SAXO1: variants seen among roughly 807,000 people sequenced by gnomAD.
SAXO1 encodes stabilizer of axonemal microtubules 1.
A neutral mutation model predicts 17.5 loss-of-function variants in SAXO1; 21 were observed. That is an observed-to-expected ratio of 1.20 (90% CI 0.85 to 1.72). The LOEUF is 1.72. SAXO1 is among the 40% of genes most tolerant of loss of function. The pLI is 0.00. For synonymous variants in SAXO1, 274 were observed against 216.5 expected, an observed-to-expected ratio of 1.27 and a Z score of -2.33; for missense variants, 843 against 596.0, an observed-to-expected ratio of 1.41 and a Z score of -4.32.
intron 1 of SAXO1, among the ~76,000 whole-genome samples, chr9:18,976,237 A>G (rs1272822798): frequency 1.3e-5 from 2 of 152,146 alleles, no homozygotes; most frequent in Admixed American, 1.3e-4. Context: ...ACTGCATGGG[A>G]CTGGGGTTCA....
chr9:18,954,422 G>A (rs1052961573), intron 1 of SAXO1, among the ~76,000 whole-genome samples: 1 of 151,532 alleles, frequency 6.6e-6, no homozygotes, highest in Non-Finnish European at 1.5e-5. Context: ...CTGCAGCCTC[G>A]ACCTCCTGGG....
In SAXO1 at chr9:18,927,875, A is replaced by C. The variant is rs1309881715; in HGVS notation, c.*177T>G. ...AGGGGAGTTAATTAGCCGGTGATTA[A>C]ATGTCATTTTCCCTGAGTCAAGTGA... On this transcript the variant is annotated 3_prime_UTR_variant, in exon 4 of 4. Transcript: ENST00000380534. 16 of 635,164 alleles carry C rather than the reference A, an allele frequency of 2.5e-5. No homozygotes were observed. In the East Asian group the frequency reaches 4.6e-4, roughly 18 times the overall value. 39.3% of individuals were successfully genotyped at this position (635,164 alleles called of 1,614,324 possible). A position where few individuals can be genotyped will look rare whatever the true frequency, so the allele number is the denominator to read the frequency against.
At chr9:18,959,414 G>C (rs1378194149) in intron 1 of SAXO1, among the ~76,000 whole-genome samples, 2 of 152,162 alleles carry the variant, frequency 1.3e-5, no homozygotes, top group Admixed American at 6.5e-5. Flanking sequence ...AGAAGAATCA[G>C]AGCCAGGTCT....
At chr9:19,003,188 G>A (rs968870261) in intron 1 of SAXO1, among the ~76,000 whole-genome samples, 11 of 152,148 alleles carry the variant, frequency 7.2e-5, no homozygotes, top group African/African-American at 2.7e-4. Flanking sequence ...ACTTACAAGG[G>A]ATGTAAAGGA....
intron 1 of SAXO1, among the ~76,000 whole-genome samples, chr9:18,974,260 G>C (rs1246379541): frequency 6.6e-6 from 1 of 152,248 alleles, no homozygotes; most frequent in East Asian, 1.9e-4. Context: ...CCTCTGGAGT[G>C]TTGGAACGGA....
chr9:18,988,155 G>GC (rs1833669885), intron 1 of SAXO1, among the ~76,000 whole-genome samples: 1 of 152,180 alleles, frequency 6.6e-6, no homozygotes, highest in Non-Finnish European at 1.5e-5. Context: ...ACAGATTTTA[G>GC]TTTGAGTTTT....
intron 1 of SAXO1, among the ~76,000 whole-genome samples, chr9:18,952,854 G>C (rs1832088268): frequency 6.6e-6 from 1 of 152,112 alleles, no homozygotes; most frequent in Non-Finnish European, 1.5e-5. Context: ...ACAAAGCTAT[G>C]TATTTCTATT....
intron 1 of SAXO1, among the ~76,000 whole-genome samples, chr9:18,993,295 G>A (rs569331001): frequency 6.9e-4 from 75 of 108,170 alleles, no homozygotes; most frequent in African/African-American, 2.1e-3. Flanking sequence ...GATAGGCCCC[G>A]ATGTGTGTTG....
chr9:19,047,464 A>G (rs1836247812), intron 1 of SAXO1, among the ~76,000 whole-genome samples: 1 of 152,238 alleles, frequency 6.6e-6, no homozygotes, highest in African/African-American at 2.4e-5. Context: ...ACATCATCAA[A>G]CAATTCAAGA....
chr9:18,981,567 G>C (rs1039018350), intron 1 of SAXO1, among the ~76,000 whole-genome samples: 1 of 152,098 alleles, frequency 6.6e-6, no homozygotes, highest in African/African-American at 2.4e-5. Flanking sequence ...ACTTCACTAA[G>C]CCAGCATGCA....
intron 1 of SAXO1, among the ~76,000 whole-genome samples, chr9:18,988,680 C>T (rs555323232): frequency 4.6e-5 from 7 of 152,186 alleles, no homozygotes; most frequent in East Asian, 1.9e-4. Flanking sequence ...TATGTAACAA[C>T]GAGTATAATG....
At chr9:18,969,968 G>C (rs758374670) in intron 1 of SAXO1, among the ~76,000 whole-genome samples, 4 of 152,156 alleles carry the variant, frequency 2.6e-5, no homozygotes, top group Non-Finnish European at 5.9e-5. Flanking sequence ...CATTACATCT[G>C]ATTCCTCTCT....
chr9:18,982,962 T>G (rs1588477513), intron 1 of SAXO1, among the ~76,000 whole-genome samples: 2 of 152,276 alleles, frequency 1.3e-5, no homozygotes, highest in African/African-American at 4.8e-5. Context: ...ACACTAAGGA[T>G]GCTGGGCACC....
chr9:19,006,142 A>G (rs1400484548), intron 1 of SAXO1, among the ~76,000 whole-genome samples: 1 of 152,238 alleles, frequency 6.6e-6, no homozygotes, highest in Non-Finnish European at 1.5e-5. Context: ...AAGGCTGTAG[A>G]AAAATTAGAA....
At chr9:18,998,160 C>T (rs1423492309) in intron 1 of SAXO1, among the ~76,000 whole-genome samples, 1 of 152,042 alleles carries the variant, frequency 6.6e-6, no homozygotes, top group Non-Finnish European at 1.5e-5. Flanking sequence ...TAATAACAAA[C>T]TTCTCCCAGC....
chr9:19,009,410 C>T (rs1834626687), intron 1 of SAXO1, among the ~76,000 whole-genome samples: 1 of 152,090 alleles, frequency 6.6e-6, no homozygotes, highest in African/African-American at 2.4e-5. Context: ...AAACTAAAAA[C>T]TCAACTAGGA....
Position 19,024,468 on chromosome 9 carries a change from A to G in SAXO1, c.38+8403T>C, listed in dbSNP as rs532025137. 2.8e-3 allele frequency among the ~76,000 whole-genome samples: 433 copies of G among 152,282 alleles called. 6 individuals carry two copies. The South Asian group carries it at 0.04, about 14-fold the overall frequency. On this transcript the variant is annotated intron_variant, in intron 1 of 3. Coordinates refer to ENST00000380534, the MANE Select transcript of SAXO1 (RefSeq NM_153707.4). Reference sequence around the variant, plus strand: ...GGGGTGGGGCGAGGGGGGGAGGGATAGCATTAGGAGATATACCTAATGCTA... The same window carrying G: ...GGGGTGGGGCGAGGGGGGGAGGGATGGCATTAGGAGATATACCTAATGCTA...
intron 1 of SAXO1, among the ~76,000 whole-genome samples, chr9:18,992,694 C>T (rs73645558): frequency 0.019 from 2,859 of 152,140 alleles, 88 homozygotes; most frequent in African/African-American, 0.063. Flanking sequence ...TGGAGACAGA[C>T]GTTGGCACAT....
chr9:19,025,299 G>A (rs1407633369), intron 1 of SAXO1, among the ~76,000 whole-genome samples: 1 of 151,770 alleles, frequency 6.6e-6, no homozygotes, highest in Non-Finnish European at 1.5e-5. Flanking sequence ...AATTTATGAA[G>A]TCAATTTTAT....
Sources: gnomAD v4.1 joint callset for allele counts (sites outside exome capture counted in the v4.1 genomes callset) on GRCh38, gnomAD v4.1.1 for gene constraint, MANE v1.5 for transcripts, NCBI Gene and HGNC (gene_info 2026-07-23, HGNC 2026-07-21) for gene names.